Variants in KLHL13 observed in about 807,000 individuals in gnomAD.
KLHL13 encodes kelch-like protein 13.
In KLHL13, 10 loss-of-function variants were observed where a neutral mutation model predicts 37.1. The observed-to-expected ratio is 0.27, with a 90% CI of 0.17 to 0.46. The LOEUF (loss-of-function observed/expected upper bound fraction) is 0.46. KLHL13 is among the 20% of genes least tolerant of loss of function. The pLI is 1.00. For synonymous variants in KLHL13, 163 were observed against 181.2 expected (o/e 0.90, Z 0.81); for missense variants, 360 against 509.3 (o/e 0.71, Z 2.82).
intron 1 of KLHL13, among the ~76,000 whole-genome samples, chrX:118,060,296 C>G (rs934339251): frequency 9.0e-6 from 1 of 111,181 alleles, no homozygotes; most frequent in Admixed American, 9.6e-5. Context: ...TCATGTAGAC[C>G]TGGATGTGAG....
intron 1 of KLHL13, among the ~76,000 whole-genome samples, chrX:117,970,266 T>C (rs1241790393): frequency 8.9e-6 from 1 of 112,016 alleles, no homozygotes; most frequent in African/African-American, 3.2e-5. Context: ...GATAAAACAT[T>C]ACAAACCAAT....
chrX:118,061,760 A>G (rs190880956), intron 1 of KLHL13, among the ~76,000 whole-genome samples: 7 of 111,935 alleles, frequency 6.3e-5, no homozygotes, highest in African/African-American at 2.3e-4. Flanking sequence ...TTAAATTCGT[A>G]GAGACATATG....
rs768861377 is a variant in KLHL13 at position 118,035,826 on chromosome X, T to C, written c.-56+80682A>G. ...TTGTCCCTGTTTGCAGACGACATGA[T>C]TGTATATCTAGAAAACCCCATTGTC... On this transcript the variant is annotated intron_variant, in intron 1 of 6. Transcript: ENST00000371882. 2.7e-4 allele frequency among the ~76,000 whole-genome samples: 28 copies of C among 104,298 alleles called. No homozygotes were observed. In the East Asian group the frequency reaches 7.0e-3, roughly 26 times the overall value. 90.6% of individuals were successfully genotyped at this position (104,298 alleles called of 115,157 possible).
intron 1 of KLHL13, among the ~76,000 whole-genome samples, chrX:118,073,001 G>A (rs1602701776): frequency 1.8e-5 from 2 of 109,587 alleles, no homozygotes; most frequent in South Asian, 8.1e-4. Context: ...GGCTGAGGTG[G>A]GAGAATTGCT....
intron 1 of KLHL13, among the ~76,000 whole-genome samples, chrX:117,993,867 G>A (rs2053823304): frequency 9.1e-6 from 1 of 109,387 alleles, no homozygotes; most frequent in Non-Finnish European, 1.9e-5. Context: ...CTCCTGAGTA[G>A]CTGGGATTAC....
rs1351399235 is a variant in KLHL13 at position 117,945,669 on chromosome X, T to A, written c.99-94A>T. ...GAAAAATAATCAGTCACTATTGCAA[T>A]CATATGACCATGCAATATGGTGAAT... On this transcript the variant is annotated intron_variant, in intron 1 of 6. Coordinates refer to ENST00000262820, the Ensembl canonical transcript of KLHL13. 9.9e-6 allele frequency: 7 copies of A among 706,557 alleles called. No individual in the cohort carries two copies. In the Admixed American group the frequency reaches 1.8e-4, roughly 18 times the overall value. 58.2% of individuals were successfully genotyped at this position (706,557 alleles called of 1,213,427 possible).
chrX:118,016,088 T>A, intron 1 of KLHL13, among the ~76,000 whole-genome samples: 1 of 112,376 alleles, frequency 8.9e-6, no homozygotes, highest in South Asian at 3.6e-4. Flanking sequence ...TATATGAAGT[T>A]AATCACATAT....
intron 1 of KLHL13, among the ~76,000 whole-genome samples, chrX:118,077,982 G>T (rs1392461588): frequency 8.9e-6 from 1 of 112,286 alleles, no homozygotes; most frequent in African/African-American, 3.2e-5. Context: ...TGGATATTAT[G>T]TGAATGTCAT....
At chrX:117,991,021 G>C (rs2053782344) in intron 1 of KLHL13, among the ~76,000 whole-genome samples, 1 of 109,929 alleles carries the variant, frequency 9.1e-6, no homozygotes, top group Admixed American at 9.7e-5. Flanking sequence ...CATAGGTTAG[G>C]GAGTGGGTGT....
At chrX:117,936,996 G>A (rs966534683) in intron 2 of KLHL13, among the ~76,000 whole-genome samples, 1 of 111,842 alleles carries the variant, frequency 8.9e-6, no homozygotes, top group African/African-American at 3.2e-5. Context: ...TGAAACCCAT[G>A]TCCTTCTCAC....
At chrX:118,018,579 G>A (rs759685716) in intron 1 of KLHL13, among the ~76,000 whole-genome samples, 3 of 111,421 alleles carry the variant, frequency 2.7e-5, no homozygotes, top group African/African-American at 9.7e-5. Flanking sequence ...AATTTATGTA[G>A]AATGTATAGG....
chrX:118,069,978 A>C (rs1360512067), intron 1 of KLHL13, among the ~76,000 whole-genome samples: 1 of 111,749 alleles, frequency 8.9e-6, no homozygotes, highest in Admixed American at 9.5e-5. Flanking sequence ...ATTTTACCAT[A>C]CCTTTTATAT....
intron 2 of KLHL13, among the ~76,000 whole-genome samples, chrX:117,925,796 AT>A (rs1193157738): frequency 9.0e-6 from 1 of 111,378 alleles, no homozygotes; most frequent in East Asian, 2.8e-4. Context: ...GGTGATAAAA[AT>A]TTTTTTTCAC....
At chrX:117,998,263 G>A (rs925964734) in intron 1 of KLHL13, among the ~76,000 whole-genome samples, 1 of 112,028 alleles carries the variant, frequency 8.9e-6, no homozygotes, top group Non-Finnish European at 1.9e-5. Flanking sequence ...CAGATACAAC[G>A]ATATCATCTC....
chrX:117,911,184 T>C (rs1186048119), intron 4 of KLHL13, among the ~76,000 whole-genome samples: 1 of 112,077 alleles, frequency 8.9e-6, no homozygotes, highest in East Asian at 2.8e-4. Flanking sequence ...GTCCTCAATA[T>C]CACACAAACT....
intron 1 of KLHL13, 79 bp from the exon 3 acceptor site, chrX:117,945,654 C>G: frequency 1.2e-6 from 1 of 861,429 alleles, no homozygotes; most frequent in Non-Finnish European, 1.7e-6. Flanking sequence ...GAAAAATAAT[C>G]AGTCACTATT....
chrX:117,926,819 A>G lies in KLHL13; in HGVS notation c.241-6449T>C, dbSNP rs1177178460. Among the ~76,000 whole-genome samples, 4 of 99,804 alleles carry G rather than the reference A, an allele frequency of 4.0e-5. No individual in the cohort carries two copies. The East Asian group carries it at 1.4e-3, about 35-fold the overall frequency. 86.7% of individuals were successfully genotyped at this position (99,804 alleles called of 115,157 possible). The stretch of plus-strand genomic sequence containing the variant: ...GTCTACCCCGACCTGGACTTAGGGC[A>G]TCACGTAAGCTGGAAACAGTCACCT... On this transcript the variant is annotated intron_variant, in intron 2 of 6. Transcript: ENST00000262820.
intron 1 of KLHL13, among the ~76,000 whole-genome samples, chrX:117,981,857 T>C (rs1044183945): frequency 9.0e-6 from 1 of 111,364 alleles, no homozygotes; most frequent in African/African-American, 3.3e-5. Flanking sequence ...AGCACATTTA[T>C]TAATTAGGAC....
At chrX:118,048,232 TA>T (rs1409749014) in intron 1 of KLHL13, among the ~76,000 whole-genome samples, 3 of 111,721 alleles carry the variant, frequency 2.7e-5, no homozygotes, top group Non-Finnish European at 5.7e-5. Context: ...TAGGAGATAC[TA>T]GAGCAGGTAA....
Sources: gnomAD v4.1 joint callset for allele counts (sites outside exome capture counted in the v4.1 genomes callset) on GRCh38, gnomAD v4.1.1 for gene constraint, MANE v1.5 for transcripts, NCBI Gene and HGNC (gene_info 2026-07-23, HGNC 2026-07-21) for gene names.